The following PANK1 variants were observed in gnomAD, a reference collection of about 807,000 sequenced individuals.
The protein encoded by PANK1 is pantothenate kinase 1.
PANK1 carries 18 observed loss-of-function variants against 40.1 expected under a neutral mutation model. The ratio of observed to expected loss-of-function variants is 0.45; its 90% confidence interval spans 0.31 to 0.67. PANK1 has a LOEUF of 0.67. Ranked by LOEUF, PANK1 falls within the 30% of genes least tolerant of loss-of-function variation. The probability of loss-of-function intolerance (pLI) is 0.06; values close to 1 mark genes in which losing one functional copy is unlikely to be tolerated. For synonymous variants in PANK1, 242 were observed against 237.7 expected, an observed-to-expected ratio of 1.02 and a Z score of -0.17; for missense variants, 457 against 599.6, an observed-to-expected ratio of 0.76 and a Z score of 2.48.
At chr10:89,592,353 G>C (rs1363910753) in intron 5 of PANK1, among the ~76,000 whole-genome samples, 2 of 152,172 alleles carry the variant, frequency 1.3e-5, no homozygotes, top group African/African-American at 4.8e-5. Flanking sequence ...GGGGCTTTCT[G>C]AGTACCTATA....
At chr10:89,618,273 T>C (rs1845380083) in intron 1 of PANK1, among the ~76,000 whole-genome samples, 1 of 152,182 alleles carries the variant, frequency 6.6e-6, no homozygotes, top group Admixed American at 6.5e-5. Context: ...GAGTATAGAT[T>C]AAGTTTTCCA....
At chr10:89,610,142 G>C (rs543014177) in intron 2 of PANK1, among the ~76,000 whole-genome samples, 23 of 152,250 alleles carry the variant, frequency 1.5e-4, no homozygotes, top group Middle Eastern at 3.4e-3. Context: ...GCACAAGAAG[G>C]CTATACTTTC....
Position 89,593,945 on chromosome 10 carries a change from C to T in PANK1, c.944G>A (p.Gly315Asp). The T allele has an allele frequency of 1.2e-6, 2 of 1,613,858 alleles. No individual in the cohort carries two copies. The highest frequency in any genetic ancestry group is 1.7e-6 in the Non-Finnish European group (2 of 1,179,774). Residue 315 changes from glycine to aspartate, a missense_variant, in exon 4 of 7, where the codon GGT becomes GAT. By Grantham distance (94) the Gly-to-Asp change is moderately conservative (BLOSUM62 -1). This residue lies in a region of PANK1 where 286 missense variants were observed against 415.8 expected (regional missense o/e 0.69). Transcript: ENST00000307534. The stretch of plus-strand genomic sequence containing the variant: ...CAGAGCTTCTTCAAAGGTCTCACAA[C>T]CAGTCAGCAAGCAACATAGGCCTAG... ...TFLGLCCLLT[G>D]CETFEEALEM...
intron 5 of PANK1, among the ~76,000 whole-genome samples, chr10:89,590,481 G>A (rs1399702537): frequency 2.0e-5 from 3 of 152,076 alleles, no homozygotes; most frequent in Non-Finnish European, 4.4e-5. Context: ...CCTTTATGGA[G>A]GGAACTTTAT....
chr10:89,642,978 G>C (rs962309118), intron 1 of PANK1, among the ~76,000 whole-genome samples: 4 of 152,076 alleles, frequency 2.6e-5, no homozygotes, highest in African/African-American at 9.7e-5. Context: ...ACATTTTCTT[G>C]TATTTTAAAA....
In PANK1 at chr10:89,595,240, C is replaced by T. The variant is rs144711213; in HGVS notation, c.900-1251G>A. Among the ~76,000 whole-genome samples the T allele has an allele frequency of 5.6e-3, 859 of 152,126 alleles. 5 individuals are homozygous for T. Among genetic ancestry groups the T allele is most frequent in the Non-Finnish European group, 8.7e-3 (593 of 68,000 alleles). On this transcript the variant is annotated intron_variant, in intron 3 of 6. Coordinates refer to ENST00000307534, the MANE Select transcript of PANK1 (RefSeq NM_148977.3). The stretch of plus-strand genomic sequence containing the variant: ...CTGAGACAGGCAAATTACTTGAGGT[C>T]AGGAGTTTGAGACCAGCCTGGCCAA...
chr10:89,591,353 C>T (rs1339432071), intron 5 of PANK1, among the ~76,000 whole-genome samples: 1 of 152,006 alleles, frequency 6.6e-6, no homozygotes, highest in African/African-American at 2.4e-5. Context: ...TCTTAGAAGT[C>T]TGTATTATGT....
intron 1 of PANK1, among the ~76,000 whole-genome samples, chr10:89,630,313 T>C (rs1426758762): frequency 6.6e-6 from 1 of 152,192 alleles, no homozygotes; most frequent in Non-Finnish European, 1.5e-5. Context: ...AGCAACATTA[T>C]ATCAATTAAC....
At chr10:89,599,548 C>A (rs780638703) in intron 2 of PANK1, 43 bp from the exon 3 acceptor site, 1 of 1,581,846 alleles carries the variant, frequency 6.3e-7, no homozygotes, top group Admixed American at 1.8e-5. Flanking sequence ...GTGAGATAGG[C>A]GACCATCTAA....
rs113896106 is a variant in PANK1, at chr10:89,599,018, G to A, written c.899+234C>T. 408 of 470,364 alleles carry A rather than the reference G, an allele frequency of 8.7e-4. 1 individual carries two copies. Among genetic ancestry groups the A allele is most frequent in the African/African-American group, 6.4e-3 (328 of 51,440 alleles). 29.1% of individuals were successfully genotyped at this position (470,364 alleles called of 1,614,324 possible). On this transcript the variant is annotated intron_variant, in intron 3 of 6. Coordinates refer to ENST00000307534, the MANE Select transcript of PANK1 (RefSeq NM_148977.3). ...TTCTTGGCAAATTTCTGGTGTGTGC[G>A]ATCCTTCTTCCCTCAACCTGACCAA...
chr10:89,590,964 T>G (rs930807359), intron 5 of PANK1, among the ~76,000 whole-genome samples: 2 of 152,142 alleles, frequency 1.3e-5, no homozygotes, highest in Non-Finnish European at 2.9e-5. Context: ...TTGTGAAGCC[T>G]TAATGATTGC....
In PANK1 at chr10:89,583,230, T is replaced by C. The variant is rs905749818; in HGVS notation, c.*1176A>G. 6.6e-6 allele frequency: 1 copy of C among 152,156 alleles called. No individual in the cohort carries two copies. The highest frequency in any genetic ancestry group is 1.9e-4 in the East Asian group (1 of 5,196). 9.4% of individuals were successfully genotyped at this position (152,156 alleles called of 1,614,324 possible). A position where few individuals can be genotyped will look rare whatever the true frequency, so the allele number is the denominator to read the frequency against. On this transcript the variant is annotated 3_prime_UTR_variant, in exon 7 of 7. Transcript: ENST00000307534. ...ATGACCCTCATTTGAAAGTTACCCA[T>C]CAGTCTTAATGAAATCTTTCAAAAA...
intron 5 of PANK1, among the ~76,000 whole-genome samples, chr10:89,591,951 C>T (rs188555904): frequency 5.9e-5 from 9 of 152,310 alleles, no homozygotes; most frequent in Admixed American, 5.9e-4. Flanking sequence ...AGGGTTGTTA[C>T]CAGCTGACCT....
At position 89,599,425 on chromosome 10, in the gene PANK1, G is replaced by C. The variant is rs1295839443; in HGVS notation, c.726C>G (p.Phe242Leu). ...QGLLYVDSVG[F>L]NGKPECYYFE... ...AATAGTAACATTCTGGCTTGCCGTT[G>C]AAGCCAACAGAGTCGACATAAAGCA... The change falls in exon 3 of 7, where the codon TTC becomes TTG. Residue 242 changes from phenylalanine to leucine, a missense_variant. Physicochemically the swap from Phe to Leu is conservative, Grantham distance 22. Transcript: ENST00000307534. 1 of 1,613,522 alleles carries C rather than the reference G, an allele frequency of 6.2e-7. No homozygotes were observed. Among genetic ancestry groups the C allele is most frequent in the Non-Finnish European group, 8.5e-7 (1 of 1,179,564 alleles).
intron 2 of PANK1, among the ~76,000 whole-genome samples, chr10:89,605,720 T>A (rs1844942853): frequency 6.6e-6 from 1 of 152,322 alleles, no homozygotes; most frequent in South Asian, 2.1e-4. Context: ...CCAACTTGAA[T>A]CTGAAATGTT....
chr10:89,594,417 G>T (rs1484148993), intron 3 of PANK1, among the ~76,000 whole-genome samples: 1 of 152,130 alleles, frequency 6.6e-6, no homozygotes, highest in Non-Finnish European at 1.5e-5. Context: ...CCTAGAAAAA[G>T]AATTTGTGTG....
At chr10:89,613,312 C>A (rs1190147187) in intron 1 of PANK1, among the ~76,000 whole-genome samples, 1 of 152,162 alleles carries the variant, frequency 6.6e-6, no homozygotes, top group African/African-American at 2.4e-5. Flanking sequence ...TTCCAAGTTT[C>A]TTTTATTTCA....
At position 89,644,882 on chromosome 10, in the gene PANK1, G is replaced by A. The variant is rs777416944; in HGVS notation, c.10C>T (p.Arg4Cys). The A allele has an allele frequency of 1.3e-6, 2 of 1,500,656 alleles. No individual in the cohort carries two copies. The highest frequency in any genetic ancestry group is 2.5e-5 in the Admixed American group (1 of 40,016). 93.0% of individuals were successfully genotyped at this position (1,500,656 alleles called of 1,614,324 possible). The change falls in exon 1 of 7, where the codon CGC becomes TGC. Residue 4 changes from arginine (R) to cysteine (C), a missense_variant. Physicochemically the swap from Arg to Cys is radical, Grantham distance 180. Transcript: ENST00000307534. ...ACCGAGCGCTCCTGCTGCCCGCTGC[G>A]GTCGCCCATGCCGGGGGCTGGCGGG... MGDRSGQQERSVPH... is the reference protein window; with the variant it reads MGDCSGQQERSVPH...
intron 1 of PANK1, among the ~76,000 whole-genome samples, chr10:89,621,782 C>T (rs1025473608): frequency 2.6e-5 from 4 of 152,216 alleles, no homozygotes; most frequent in Non-Finnish European, 4.4e-5. Flanking sequence ...GGCACAATCT[C>T]GGCTCACTGC....
Sources: allele counts gnomAD v4.1 joint callset (sites outside exome capture counted in the v4.1 genomes callset), GRCh38; gene constraint gnomAD v4.1.1; regional missense constraint gnomAD v4.1.1; transcripts MANE v1.5; gene names NCBI Gene and HGNC (gene_info 2026-07-23, HGNC 2026-07-21).